The following BCKDHB variants were observed in gnomAD, a reference collection of about 807,000 sequenced individuals.
BCKDHB encodes the protein branched chain keto acid dehydrogenase E1 subunit beta, also known as 2-oxoisovalerate dehydrogenase subunit beta, mitochondrial.
Under a neutral mutation model 48.5 loss-of-function variants are expected in BCKDHB, and 41 were observed. That is an observed-to-expected ratio of 0.85 (90% CI 0.66 to 1.10). BCKDHB has a LOEUF of 1.10. Ranked by LOEUF, BCKDHB falls within the 50% of genes least tolerant of loss-of-function variation. The pLI is 0.00. For missense variants in BCKDHB, 496 were observed against 494.2 expected (o/e 1.00, Z -0.03); for synonymous variants, 201 against 174.8 (o/e 1.15, Z -1.18).
the BCKDHB span, among the ~76,000 whole-genome samples, chr6:80,367,184 A>G: frequency 1.3e-5 from 2 of 152,136 alleles, no homozygotes; most frequent in African/African-American, 2.4e-5. Context: ...AAGTTACTCA[A>G]TATAATTCTG....
At position 80,346,232 on chromosome 6, in the gene BCKDHB, T is replaced by C. The variant is rs1249056876; in HGVS notation, c.*2428T>C. ...TGTTTAATTACATCTGTAAATATTA[T>C]GTGTGTGATAGTATTCAATAAAGTA... On this transcript the variant is annotated 3_prime_UTR_variant, in exon 10 of 10. Coordinates refer to ENST00000320393, the MANE Select transcript of BCKDHB (RefSeq NM_183050.4). 1.3e-5 allele frequency: 2 copies of C among 152,212 alleles called. No homozygotes were observed. The highest frequency in any genetic ancestry group is 6.5e-5 in the Admixed American group (1 of 15,284). The allele number at this position is 152,212 out of a possible 1,614,324, so 9.4% of individuals were successfully genotyped here.
At chr6:80,348,858 C>A (rs1056201110), downstream of BCKDHB, among the ~76,000 whole-genome samples, 2 of 152,020 alleles carry the variant, frequency 1.3e-5, no homozygotes, top group Non-Finnish European at 2.9e-5. Context: ...AGAAAATATT[C>A]ATATATGGTT....
chr6:80,452,057 T>C, the BCKDHB span, among the ~76,000 whole-genome samples: 4 of 152,338 alleles, frequency 2.6e-5, no homozygotes, highest in Non-Finnish European at 4.4e-5. Flanking sequence ...TTCTGCTCCA[T>C]GTGTCTTCTT....
intron 8 of BCKDHB, among the ~76,000 whole-genome samples, chr6:80,214,957 T>G (rs1775101636): frequency 6.6e-6 from 1 of 152,206 alleles, no homozygotes. Context: ...TGTTACATGT[T>G]GTGTTTAATT....
the BCKDHB span, among the ~76,000 whole-genome samples, chr6:80,400,864 C>A: frequency 6.6e-6 from 1 of 151,964 alleles, no homozygotes; most frequent in Non-Finnish European, 1.5e-5. Flanking sequence ...TACATATACA[C>A]CACAGAATAC....
intron 6 of BCKDHB, among the ~76,000 whole-genome samples, chr6:80,195,029 C>T (rs1774069560): frequency 6.6e-6 from 1 of 152,132 alleles, no homozygotes; most frequent in South Asian, 2.1e-4. Context: ...TTATTTTGTC[C>T]AAACATGCTC....
chr6:80,117,636 C>A (rs1372780515), intron 1 of BCKDHB, among the ~76,000 whole-genome samples: 6 of 152,180 alleles, frequency 3.9e-5, no homozygotes, highest in Admixed American at 2.0e-4. Flanking sequence ...GGCGGAAAAC[C>A]GCTTAAAGGC....
chr6:80,278,226 TAAAAC>T (rs1314347614), intron 9 of BCKDHB, among the ~76,000 whole-genome samples: 2 of 152,102 alleles, frequency 1.3e-5, no homozygotes, highest in African/African-American at 4.8e-5. Flanking sequence ...TAGCAACAGA[TAAAAC>T]AATCAGGAGA....
At chr6:80,384,758 A>G in the BCKDHB span, among the ~76,000 whole-genome samples, 1 of 152,090 alleles carries the variant, frequency 6.6e-6, no homozygotes, top group African/African-American at 2.4e-5. Flanking sequence ...TACTCAATAA[A>G]TTCCTCTTTA....
the BCKDHB span, chr6:80,374,363 C>A: frequency 3.6e-6 from 3 of 828,744 alleles, no homozygotes; most frequent in Non-Finnish European, 6.4e-6. Context: ...CCTGGGCACA[C>A]CTGCCAACTC....
At chr6:80,400,217 C>T in the BCKDHB span, among the ~76,000 whole-genome samples, 2 of 151,852 alleles carry the variant, frequency 1.3e-5, no homozygotes, top group African/African-American at 4.8e-5. Context: ...CGACAAAACC[C>T]AAAATTCACA....
the BCKDHB span, among the ~76,000 whole-genome samples, chr6:80,359,241 G>A: frequency 6.6e-6 from 1 of 152,156 alleles, no homozygotes; most frequent in Non-Finnish European, 1.5e-5. Context: ...CCCTCACTGA[G>A]CAGGTAGAGA....
intron 6 of BCKDHB, 23 bp from the exon 7 acceptor site, chr6:80,200,911 T>C (rs756929636): frequency 6.8e-5 from 106 of 1,559,810 alleles, no homozygotes; most frequent in Admixed American, 4.5e-4. Context: ...TGTCCTTTTT[T>C]TTTTTTCCTG....
At chr6:80,459,876 A>G in the BCKDHB span, among the ~76,000 whole-genome samples, 1 of 152,164 alleles carries the variant, frequency 6.6e-6, no homozygotes, top group Non-Finnish European at 1.5e-5. Context: ...GAGTTATTCC[A>G]ATTCATTATG....
chr6:80,414,643 C>T, the BCKDHB span, among the ~76,000 whole-genome samples: 3 of 152,080 alleles, frequency 2.0e-5, no homozygotes, highest in South Asian at 4.1e-4. Context: ...ACCAGCACCA[C>T]GTTGTTTTAT....
intron 8 of BCKDHB, among the ~76,000 whole-genome samples, chr6:80,226,780 ACT>A (rs1775698629): frequency 6.6e-6 from 1 of 152,002 alleles, no homozygotes; most frequent in African/African-American, 2.4e-5. Context: ...AACACGATAC[ACT>A]CTTTCTTCTT....
At chr6:80,192,329 C>T (rs1049998865) in intron 6 of BCKDHB, among the ~76,000 whole-genome samples, 4 of 151,754 alleles carry the variant, frequency 2.6e-5, no homozygotes, top group African/African-American at 7.3e-5. Context: ...TTTAAAATAT[C>T]GCCCTTTTAT....
the BCKDHB span, among the ~76,000 whole-genome samples, chr6:80,411,575 A>C: frequency 5.9e-5 from 9 of 152,218 alleles, no homozygotes; most frequent in African/African-American, 2.2e-4. Context: ...ACAGAGGTGG[A>C]GTCTATAGAG....
the BCKDHB span, among the ~76,000 whole-genome samples, chr6:80,419,676 C>T: frequency 6.6e-6 from 1 of 152,168 alleles, no homozygotes; most frequent in South Asian, 2.1e-4. Flanking sequence ...TTTGAGGGGT[C>T]TCTTCCTGCT....
Sources: allele counts gnomAD v4.1 joint callset (sites outside exome capture counted in the v4.1 genomes callset), GRCh38; gene constraint gnomAD v4.1.1; transcripts MANE v1.5; gene names NCBI Gene and HGNC (gene_info 2026-07-23, HGNC 2026-07-21).